The following LPP variants were observed in gnomAD, a reference collection of about 807,000 sequenced individuals.
The protein encoded by LPP is lipoma-preferred partner.
Under a neutral mutation model 60.4 loss-of-function variants are expected in LPP, and 38 were observed. That is an observed-to-expected ratio of 0.63 (90% confidence interval 0.49 to 0.83). The LOEUF (loss-of-function observed/expected upper bound fraction) is 0.83. Among genes scored for constraint, LPP ranks in the 40% least tolerant of loss-of-function variants. The pLI, the probability that LPP is intolerant of heterozygous loss-of-function variation, is 0.00. For missense variants in LPP, 902 were observed against 783.6 expected (o/e 1.15, Z -1.80); for synonymous variants, 328 against 290.8 (o/e 1.13, Z -1.30).
chr3:188,389,469 C>G (rs750225913), intron 3 of LPP, among the ~76,000 whole-genome samples: 14 of 152,218 alleles, frequency 9.2e-5, no homozygotes, highest in Middle Eastern at 3.4e-3. Context: ...GCTTAGTTTC[C>G]CTCCATGGTC....
intron 9 of LPP, among the ~76,000 whole-genome samples, chr3:188,817,846 A>G (rs1344177662): frequency 6.6e-6 from 1 of 152,242 alleles, no homozygotes; most frequent in Non-Finnish European, 1.5e-5. Flanking sequence ...CCGCAAAGGA[A>G]TGCAGCAAGG....
intron 9 of LPP, 83 bp from the exon 10 acceptor site, chr3:188,866,115 GAC>G: frequency 3.5e-6 from 4 of 1,153,112 alleles, no homozygotes. Context: ...AAGGACCTGA[GAC>G]AATCTGTTTT....
chr3:188,473,206 C>T (rs1278719391), intron 4 of LPP, among the ~76,000 whole-genome samples: 1 of 152,152 alleles, frequency 6.6e-6, no homozygotes, highest in Non-Finnish European at 1.5e-5. Flanking sequence ...ATTTAGTCAT[C>T]ACCCAGTTTT....
In LPP at chr3:188,878,858, G is replaced by A; in HGVS notation, c.*4379G>A. The A allele has an allele frequency of 4.7e-6, 1 of 214,624 alleles. No homozygotes were observed. 13.3% of individuals were successfully genotyped at this position (214,624 alleles called of 1,614,324 possible). On this transcript the variant is annotated 3_prime_UTR_variant, in exon 12 of 12. Transcript: ENST00000617246. ...TATTTATTTTTTCCTTGTCTTGGAA[G>A]TATCTCATAGGTCTTTAAATGAGTA...
intron 2 of LPP, among the ~76,000 whole-genome samples, chr3:188,264,786 C>T (rs994776320): frequency 1.5e-5 from 2 of 134,362 alleles, no homozygotes; most frequent in African/African-American, 5.2e-5. Flanking sequence ...CTCTCTCTCT[C>T]TCTGTGTGTG....
chr3:188,869,632 G>A (rs1767564134), intron 10 of LPP, among the ~76,000 whole-genome samples: 1 of 152,176 alleles, frequency 6.6e-6, no homozygotes. Flanking sequence ...ACTTTAATGT[G>A]CCTGTAATCC....
chr3:188,556,209 G>A (rs1214338837), intron 6 of LPP, among the ~76,000 whole-genome samples: 2 of 152,078 alleles, frequency 1.3e-5, no homozygotes, highest in Non-Finnish European at 2.9e-5. Flanking sequence ...CAAAGTCGAG[G>A]CCCCTCTAAA....
rs369944987 is a variant in LPP at position 188,235,364 on chromosome 3, C to T, written c.-67+9837C>T. ...CAAACCACAGATGGAATGTGTGTTT[C>T]AGGAGGTCGAAGTTCACAATCACTG... On this transcript the variant is annotated intron_variant, in intron 2 of 11. Coordinates refer to ENST00000617246, the MANE Select transcript of LPP (RefSeq NM_001375462.1). 4.1e-4 allele frequency among the ~76,000 whole-genome samples: 63 copies of T among 152,100 alleles called. 1 individual carries two copies. In the East Asian group the frequency reaches 6.0e-3, roughly 14 times the overall value.
chr3:188,572,118 T>G lies in LPP; in HGVS notation c.430-37043T>G, dbSNP rs1323411706. Among the ~76,000 whole-genome samples, 3 of 152,214 alleles carry G rather than the reference T, an allele frequency of 2.0e-5. No individual in the cohort carries two copies. The highest frequency in any genetic ancestry group is 7.2e-5 in the African/African-American group (3 of 41,542). On this transcript the variant is annotated intron_variant, in intron 6 of 11. Coordinates refer to ENST00000617246, the MANE Select transcript of LPP (RefSeq NM_001375462.1). The surrounding 1 kb of genome is among the most constrained non-coding windows in gnomAD (Gnocchi z 4.1). ...ACTTCCATGATTTTGACTTGAAAAG[T>G]AATTCAAAGGGTTGAAATTTAAACG...
chr3:188,626,526 G>T (rs1846875885), intron 7 of LPP, among the ~76,000 whole-genome samples: 1 of 151,950 alleles, frequency 6.6e-6, no homozygotes. Flanking sequence ...CACAATTCTA[G>T]AGGCTAGAAG....
chr3:188,182,934 C>G lies in LPP; in HGVS notation c.-190+28682C>G, dbSNP rs745605308. ...CTTAGAGAAAATTCCCTCAGTGTTTCCATTGTACATTGCTGGTGAAAAACC... is the reference window on the plus strand; with the variant it reads ...CTTAGAGAAAATTCCCTCAGTGTTTGCATTGTACATTGCTGGTGAAAAACC... On this transcript the variant is annotated intron_variant, in intron 1 of 11. Coordinates refer to ENST00000617246, the MANE Select transcript of LPP (RefSeq NM_001375462.1). The surrounding 1 kb of genome is among the most constrained non-coding windows in gnomAD (Gnocchi z 4.4). 6.6e-6 allele frequency among the ~76,000 whole-genome samples: 1 copy of G among 152,042 alleles called. No individual in the cohort carries two copies. The highest frequency in any genetic ancestry group is 6.5e-5 in the Admixed American group (1 of 15,274).
intron 7 of LPP, among the ~76,000 whole-genome samples, chr3:188,655,368 A>G (rs758358270): frequency 4.0e-4 from 61 of 152,212 alleles, no homozygotes; most frequent in Non-Finnish European, 7.3e-4. Context: ...TCAGAAAAAA[A>G]AGTAGAATTA....
chr3:188,233,947 G>A (rs943991079), intron 2 of LPP, among the ~76,000 whole-genome samples: 1 of 151,930 alleles, frequency 6.6e-6, no homozygotes. Flanking sequence ...CTCTGCTTAT[G>A]CTGTTTCTTC....
intron 10 of LPP, among the ~76,000 whole-genome samples, chr3:188,868,826 G>A (rs1767341407): frequency 2.0e-5 from 3 of 152,192 alleles, no homozygotes; most frequent in Admixed American, 2.0e-4. Context: ...CATTTATAAA[G>A]AACCCTCTGT....
intron 9 of LPP, among the ~76,000 whole-genome samples, chr3:188,812,326 C>G (rs920834033): frequency 2.0e-5 from 3 of 152,160 alleles, no homozygotes; most frequent in Non-Finnish European, 4.4e-5. Flanking sequence ...AAACTGAATT[C>G]TTCATGCAAC....
chr3:188,690,815 T>A (rs1861957852), intron 7 of LPP, among the ~76,000 whole-genome samples: 1 of 152,166 alleles, frequency 6.6e-6, no homozygotes, highest in South Asian at 2.1e-4. Flanking sequence ...TTTAGGGAAC[T>A]CCTTAATTTT....
chr3:188,507,951 A>G lies in LPP; in HGVS notation c.307-16714A>G, dbSNP rs151088466. 2.4e-4 allele frequency among the ~76,000 whole-genome samples: 36 copies of G among 152,348 alleles called. No individual in the cohort carries two copies. The East Asian group carries it at 5.6e-3, about 24-fold the overall frequency. On this transcript the variant is annotated intron_variant, in intron 5 of 11. Transcript: ENST00000617246. ...TGATGGCATTTGGGAGATTTTTCCAATCTAAGGCTATATCATTAGGACACG... is the reference window on the plus strand; with the variant it reads ...TGATGGCATTTGGGAGATTTTTCCAGTCTAAGGCTATATCATTAGGACACG...
chr3:188,733,930 A>G (rs1478022944), intron 8 of LPP, among the ~76,000 whole-genome samples: 1 of 152,122 alleles, frequency 6.6e-6, no homozygotes. Context: ...GTCCATATTC[A>G]TAGCTTCCTT....
chr3:188,448,342 C>T lies in LPP; in HGVS notation c.194-36250C>T, dbSNP rs987929348. On this transcript the variant is annotated intron_variant, in intron 4 of 11. Coordinates refer to ENST00000617246, the MANE Select transcript of LPP (RefSeq NM_001375462.1). ...TTTAGGAAGGTTACCTGAGATGACTCGTGCAAAAGCTAACACATAATAGAT... is the reference window on the plus strand; with the variant it reads ...TTTAGGAAGGTTACCTGAGATGACTTGTGCAAAAGCTAACACATAATAGAT... 4.7e-4 allele frequency among the ~76,000 whole-genome samples: 6 copies of T among 12,784 alleles called. No individual in the cohort carries two copies. The South Asian group carries it at 0.011, about 23-fold the overall frequency. The allele number at this position is 12,784 out of a possible 152,430, so 8.4% of individuals were successfully genotyped here. A position where few individuals can be genotyped will look rare whatever the true frequency, so the allele number is the denominator to read the frequency against.
Sources: gnomAD v4.1 joint callset for allele counts (sites outside exome capture counted in the v4.1 genomes callset) on GRCh38, gnomAD v4.1.1 for gene constraint, Gnocchi (gnomAD v3.1) non-coding constraint, MANE v1.5 for transcripts, NCBI Gene and HGNC (gene_info 2026-07-23, HGNC 2026-07-21) for gene names.